Variants in NSD1 observed in about 807,000 individuals in gnomAD.
NSD1 encodes nuclear receptor binding SET domain protein 1, also known as histone-lysine N-methyltransferase, H3 lysine-36 specific.
A neutral mutation model predicts 242.7 loss-of-function variants in NSD1; 26 were observed. The observed-to-expected ratio is 0.11, with a 90% CI of 0.08 to 0.15. The LOEUF (loss-of-function observed/expected upper bound fraction) is 0.15, where lower values mean the gene tolerates loss of function less well. Among genes scored for constraint, NSD1 ranks in the 10% least tolerant of loss-of-function variants. The pLI, the probability that NSD1 is intolerant of heterozygous loss-of-function variation, is 1.00. For missense variants in NSD1, 2,495 were observed against 3,272.8 expected, an observed-to-expected ratio of 0.76 and a Z score of 5.80; for synonymous variants, 1,106 against 1,178.1, an observed-to-expected ratio of 0.94 and a Z score of 1.25.
At chr5:177,186,676 A>G (rs953861597) in intron 2 of NSD1, among the ~76,000 whole-genome samples, 1 of 152,190 alleles carries the variant, frequency 6.6e-6, no homozygotes, top group African/African-American at 2.4e-5. Flanking sequence ...ATATAAAGTG[A>G]TACGTCACTG....
intron 2 of NSD1, among the ~76,000 whole-genome samples, chr5:177,185,920 T>TA (rs1554184286): frequency 1.2e-5 from 1 of 86,746 alleles, no homozygotes; most frequent in Non-Finnish European, 2.0e-5. Flanking sequence ...TTATATATAT[T>TA]TATATATATA....
chr5:177,162,203 C>T (rs1562137680), intron 2 of NSD1, among the ~76,000 whole-genome samples: 1 of 151,560 alleles, frequency 6.6e-6, no homozygotes, highest in Non-Finnish European at 1.5e-5. Flanking sequence ...GAGGCTGAGG[C>T]ATGAGAATTG....
At chr5:177,197,601 G>T (rs1214107727) in intron 3 of NSD1, among the ~76,000 whole-genome samples, 1 of 152,184 alleles carries the variant, frequency 6.6e-6, no homozygotes, top group African/African-American at 2.4e-5. Flanking sequence ...CAGCCTGGGC[G>T]AGAGTGCGAG....
At chr5:177,187,602 G>A (rs1482591490) in intron 2 of NSD1, among the ~76,000 whole-genome samples, 2 of 152,152 alleles carry the variant, frequency 1.3e-5, no homozygotes, top group Non-Finnish European at 2.9e-5. Context: ...ACAAACTCAA[G>A]TTGTCAGCAC....
At chr5:177,286,371 CA>C (rs1759331328) in intron 20 of NSD1, among the ~76,000 whole-genome samples, 1 of 152,214 alleles carries the variant, frequency 6.6e-6, no homozygotes, top group African/African-American at 2.4e-5. Flanking sequence ...CATCACTGTG[CA>C]CTGCACTCTG....
At chr5:177,157,970 A>C (rs1758275407) in intron 2 of NSD1, among the ~76,000 whole-genome samples, 1 of 152,182 alleles carries the variant, frequency 6.6e-6, no homozygotes, top group Non-Finnish European at 1.5e-5. Context: ...ATTGCTTTGT[A>C]CTGATGCCAC....
chr5:177,167,339 C>T (rs1481192849), intron 2 of NSD1, among the ~76,000 whole-genome samples: 1 of 151,970 alleles, frequency 6.6e-6, no homozygotes, highest in Non-Finnish European at 1.5e-5. Flanking sequence ...GAGTTTGAGA[C>T]CAGTCTGTCC....
At chr5:177,152,554 C>T (rs1400791483) in intron 2 of NSD1, among the ~76,000 whole-genome samples, 3 of 147,762 alleles carry the variant, frequency 2.0e-5, no homozygotes, top group African/African-American at 5.0e-5. Context: ...CCCGGGTTCA[C>T]GCCATTCTCC....
intron 12 of NSD1, among the ~76,000 whole-genome samples, chr5:177,255,693 G>A (rs1295345695): frequency 3.3e-5 from 5 of 151,944 alleles, no homozygotes. Context: ...AGAGATTCTC[G>A]TGCCTCAGCC....
At chr5:177,280,167 C>T (rs367994989) in intron 17 of NSD1, among the ~76,000 whole-genome samples, 1 of 150,502 alleles carries the variant, frequency 6.6e-6, no homozygotes, top group South Asian at 2.1e-4. Flanking sequence ...TTAGTAGAGA[C>T]GGGGTTTCAC....
intron 2 of NSD1, among the ~76,000 whole-genome samples, chr5:177,152,627 G>T (rs201260584): frequency 1.3e-5 from 2 of 151,428 alleles, no homozygotes; most frequent in East Asian, 3.9e-4. Flanking sequence ...CTAATTTTTT[G>T]TATTTTTAGT....
At chr5:177,212,255 T>A (rs1763405250) in intron 5 of NSD1, 60 bp downstream of exon 5, 1 of 1,543,288 alleles carries the variant, frequency 6.5e-7, no homozygotes, top group Non-Finnish European at 8.8e-7. Flanking sequence ...ATAAACATTG[T>A]CCTTCTGAAA....
rs1426843904 is a variant in NSD1 at position 177,299,118 on chromosome 5, C to G, written c.*3659C>G. The G allele has an allele frequency of 4.3e-6, 1 of 233,076 alleles. No homozygotes were observed. The highest frequency in any genetic ancestry group is 2.2e-5 in the African/African-American group (1 of 45,334). The allele number at this position is 233,076 out of a possible 1,614,324, so 14.4% of individuals were successfully genotyped here. A position where few individuals can be genotyped will look rare whatever the true frequency, so the allele number is the denominator to read the frequency against. ...GCTGAGCTTCCTAGGGCCAGTGCAA[C>G]AGGGCCAGAGGCTGCTATAGTGTAA... On this transcript the variant is annotated 3_prime_UTR_variant, in exon 23 of 23. Coordinates refer to ENST00000439151, the MANE Select transcript of NSD1 (RefSeq NM_022455.5).
At chr5:177,274,345 A>G (rs991995409) in intron 17 of NSD1, among the ~76,000 whole-genome samples, 7 of 152,304 alleles carry the variant, frequency 4.6e-5, no homozygotes, top group Admixed American at 6.5e-5. Flanking sequence ...ATTTATATGA[A>G]TAATTGACAG....
chr5:177,226,348 A>ATG (rs1324028826), intron 5 of NSD1, among the ~76,000 whole-genome samples: 1 of 152,098 alleles, frequency 6.6e-6, no homozygotes, highest in East Asian at 1.9e-4. Context: ...AGTGTGCCAT[A>ATG]ATTTGTTAAA....
rs398124376 is a variant in NSD1, at chr5:177,211,384, A to G, written c.2985A>G (p.Leu995=). 1.2e-6 allele frequency: 2 copies of G among 1,613,954 alleles called. No individual in the cohort carries two copies. Among genetic ancestry groups the G allele is most frequent in the Middle Eastern group, 1.6e-4 (1 of 6,084 alleles). ...SALSGELSAS[L]PGLLSDKRDL... ...TATCTGGCGAGTTGTCTGCTTCCCT[A>G]CCTGGCTTACTGTCCGACAAGAGAG... is the stretch of plus-strand genomic sequence containing the variant. The change falls in exon 5 of 23, where the codon CTA becomes CTG. Residue 995 remains leucine, a synonymous_variant. Transcript: ENST00000439151.
chr5:177,289,960 T>G (rs2127272507), intron 21 of NSD1, among the ~76,000 whole-genome samples: 1 of 151,664 alleles, frequency 6.6e-6, no homozygotes, highest in East Asian at 2.0e-4. Flanking sequence ...CCTGAGTAGC[T>G]GGAACTACAG....
intron 3 of NSD1, among the ~76,000 whole-genome samples, chr5:177,196,544 A>G (rs1445944306): frequency 3.3e-5 from 5 of 152,220 alleles, no homozygotes; most frequent in African/African-American, 7.2e-5. Flanking sequence ...AGGTTTCCAT[A>G]TCATAGGATG....
intron 14 of NSD1, chr5:177,266,135 G>A (rs1303562953): frequency 5.4e-6 from 6 of 1,106,378 alleles, no homozygotes; most frequent in Middle Eastern, 2.2e-4. Context: ...GCTATTGGGC[G>A]CCAGCCACTT....
Sources: gnomAD v4.1 joint callset for allele counts (sites outside exome capture counted in the v4.1 genomes callset) on GRCh38, gnomAD v4.1.1 for gene constraint, MANE v1.5 for transcripts, NCBI Gene and HGNC (gene_info 2026-07-23, HGNC 2026-07-21) for gene names.